ALMS1: variants seen among roughly 807,000 people sequenced by gnomAD.
ALMS1 encodes ALMS1 centrosome and basal body associated protein.
In ALMS1, 271 loss-of-function variants were observed where a neutral mutation model predicts 352.2. The ratio of observed to expected loss-of-function variants is 0.77; its 90% CI spans 0.70 to 0.85. The LOEUF (loss-of-function observed/expected upper bound fraction) is 0.85, where lower values mean the gene tolerates loss of function less well. ALMS1 is among the 40% of genes least tolerant of loss of function. ALMS1 has a pLI of 0.00. For missense variants in ALMS1, 5,445 were observed against 4,870.7 expected (o/e 1.12, Z -3.51); for synonymous variants, 1,865 against 1,761.2 (o/e 1.06, Z -1.48).
chr2:73,597,388 T>C (rs868266389), intron 16 of ALMS1, among the ~76,000 whole-genome samples: 3 of 152,142 alleles, frequency 2.0e-5, no homozygotes, highest in Non-Finnish European at 4.4e-5. Context: ...GTTTTACCTC[T>C]TCCTTTCAAT....
intron 16 of ALMS1, among the ~76,000 whole-genome samples, chr2:73,588,767 CAGAG>C (rs1471823467): frequency 2.0e-5 from 3 of 152,242 alleles, no homozygotes; most frequent in African/African-American, 4.8e-5. Flanking sequence ...AACTACCAAA[CAGAG>C]AGACCTCCAT....
At chr2:73,589,323 C>A (rs1004576817) in intron 16 of ALMS1, among the ~76,000 whole-genome samples, 4 of 152,084 alleles carry the variant, frequency 2.6e-5, no homozygotes, top group Non-Finnish European at 5.9e-5. Context: ...TCATAATGAA[C>A]CCTTCTAGAA....
intron 9 of ALMS1, among the ~76,000 whole-genome samples, chr2:73,462,425 C>T (rs1443096887): frequency 6.9e-4 from 104 of 150,958 alleles, no homozygotes; most frequent in South Asian, 2.8e-3. Context: ...TTGTCACCAC[C>T]AGGCCTGCCC....
chr2:73,475,936 A>C (rs1425599392), intron 9 of ALMS1, among the ~76,000 whole-genome samples: 1 of 150,368 alleles, frequency 6.7e-6, no homozygotes, highest in Non-Finnish European at 1.5e-5. Context: ...AACCATTGTT[A>C]AGTATATGGT....
chr2:73,529,355 T>A (rs1445416032), intron 11 of ALMS1, among the ~76,000 whole-genome samples: 1 of 152,180 alleles, frequency 6.6e-6, no homozygotes, highest in Non-Finnish European at 1.5e-5. Context: ...AAACAGATAT[T>A]TTTGAATTCT....
chr2:73,427,655 G>A (rs1389596532), intron 6 of ALMS1, among the ~76,000 whole-genome samples: 3 of 151,790 alleles, frequency 2.0e-5, no homozygotes, highest in South Asian at 4.2e-4. Flanking sequence ...ACCCCGCGAC[G>A]GGCCCTGGTG....
chr2:73,533,434 T>A (rs1378841508), intron 11 of ALMS1, among the ~76,000 whole-genome samples: 1 of 152,226 alleles, frequency 6.6e-6, no homozygotes, highest in Non-Finnish European at 1.5e-5. Flanking sequence ...TCTGGAAGTG[T>A]GACTTCCATT....
Position 73,475,746 on chromosome 2 carries a change from C to A in ALMS1, c.7675-13888C>A, listed in dbSNP as rs146771174. Among the ~76,000 whole-genome samples the A allele has an allele frequency of 5.4e-4, 82 of 152,128 alleles. 1 individual carries two copies. The highest frequency in any genetic ancestry group is 1.9e-3 in the African/African-American group (80 of 41,534). Reference sequence around the variant, plus strand: ...AACTCTAACTTATCAGACTTTTATTCTTTGCACTTTTGGTGACATATCTAA... The same window carrying A: ...AACTCTAACTTATCAGACTTTTATTATTTGCACTTTTGGTGACATATCTAA... On this transcript the variant is annotated intron_variant, in intron 9 of 22. Transcript: ENST00000613296.
intron 2 of ALMS1, among the ~76,000 whole-genome samples, chr2:73,414,133 A>G (rs756956583): frequency 2.6e-5 from 4 of 152,164 alleles, no homozygotes; most frequent in Non-Finnish European, 5.9e-5. Flanking sequence ...CATCTTAACA[A>G]TATTGAGTTT....
chr2:73,604,483 A>C (rs759047972), intron 21 of ALMS1, among the ~76,000 whole-genome samples: 1 of 152,204 alleles, frequency 6.6e-6, no homozygotes, highest in Non-Finnish European at 1.5e-5. Flanking sequence ...AATAAGGTTG[A>C]CTTTTTTAGG....
chr2:73,476,705 G>A (rs1672590705), intron 9 of ALMS1, among the ~76,000 whole-genome samples: 1 of 151,898 alleles, frequency 6.6e-6, no homozygotes, highest in Admixed American at 6.6e-5. Flanking sequence ...TGGTTGGCCA[G>A]TTGTATACCT....
At chr2:73,397,032 C>G (rs961773128) in intron 1 of ALMS1, among the ~76,000 whole-genome samples, 5 of 152,094 alleles carry the variant, frequency 3.3e-5, no homozygotes, top group Admixed American at 6.5e-5. Flanking sequence ...ATCCCCAACC[C>G]CCTCCCCCTA....
chr2:73,462,710 C>G (rs1672232443), intron 9 of ALMS1: 1 of 152,096 alleles, frequency 6.6e-6, no homozygotes, highest in Non-Finnish European at 1.5e-5. Context: ...TTCAGGAAAC[C>G]CATCTCATGT....
At chr2:73,389,900 G>A (rs1367689042) in intron 1 of ALMS1, among the ~76,000 whole-genome samples, 1 of 152,072 alleles carries the variant, frequency 6.6e-6, no homozygotes, top group East Asian at 1.9e-4. Flanking sequence ...ATGTTGGCCA[G>A]GCTGGTCTTG....
At chr2:73,462,251 G>A (rs928998649) in intron 9 of ALMS1, among the ~76,000 whole-genome samples, 3 of 152,232 alleles carry the variant, frequency 2.0e-5, no homozygotes, top group African/African-American at 4.8e-5. Context: ...GACTAACAGC[G>A]GATCTCTCGG....
At chr2:73,507,930 C>T (rs1484114728) in intron 10 of ALMS1, among the ~76,000 whole-genome samples, 1 of 152,066 alleles carries the variant, frequency 6.6e-6, no homozygotes, top group East Asian at 1.9e-4. Flanking sequence ...ATAAATTTCC[C>T]TCTACACACT....
intron 12 of ALMS1, among the ~76,000 whole-genome samples, chr2:73,535,289 A>G (rs1674004234): frequency 6.6e-6 from 1 of 152,108 alleles, no homozygotes; most frequent in Non-Finnish European, 1.5e-5. Context: ...TATTTTTTTC[A>G]AATAGCAACT....
intron 10 of ALMS1, among the ~76,000 whole-genome samples, chr2:73,510,169 C>T (rs1287064323): frequency 6.6e-6 from 1 of 152,130 alleles, no homozygotes. Context: ...GAACATGTTC[C>T]TTTAGCTCGG....
chr2:73,600,095 C>G (rs1420509367), intron 17 of ALMS1, among the ~76,000 whole-genome samples: 2 of 152,116 alleles, frequency 1.3e-5, no homozygotes, highest in African/African-American at 4.8e-5. Flanking sequence ...CAGTGTATAG[C>G]ATACTACAAT....
Sources: gnomAD v4.1 joint callset for allele counts (sites outside exome capture counted in the v4.1 genomes callset) on GRCh38, gnomAD v4.1.1 for gene constraint, MANE v1.5 for transcripts, NCBI Gene and HGNC (gene_info 2026-07-23, HGNC 2026-07-21) for gene names.